Variants in SLC35D4 observed in about 807,000 individuals in gnomAD.
The protein encoded by SLC35D4 is solute carrier family 35 member D4, also known as UDP-N-acetylglucosamine transporter SLC35D4.
At chr18:23,266,628 A>G in the SLC35D4 span, among the ~76,000 whole-genome samples, 3 of 152,234 alleles carry the variant, frequency 2.0e-5, no homozygotes, top group African/African-American at 7.2e-5. Context: ...GTGGCTTCAC[A>G]GCCATTAGCC....
the SLC35D4 span, among the ~76,000 whole-genome samples, chr18:23,382,239 CAAAAA>C: frequency 1.3e-5 from 1 of 75,692 alleles, no homozygotes; most frequent in Non-Finnish European, 2.5e-5. Flanking sequence ...GACTCAGTCT[CAAAAA>C]AAAAAAAAAA....
the SLC35D4 span, among the ~76,000 whole-genome samples, chr18:23,267,173 G>C: frequency 6.6e-6 from 1 of 152,182 alleles, no homozygotes. Context: ...GAGGAACCGG[G>C]GGCAGTTTTG....
chr18:23,276,290 G>T, the SLC35D4 span, among the ~76,000 whole-genome samples: 27 of 152,086 alleles, frequency 1.8e-4, no homozygotes, highest in East Asian at 1.9e-3. Flanking sequence ...GGGTTTCACC[G>T]TGTTAGCCAG....
the SLC35D4 span, among the ~76,000 whole-genome samples, chr18:23,379,534 TC>T: frequency 6.6e-6 from 1 of 152,186 alleles, no homozygotes; most frequent in African/African-American, 2.4e-5. Context: ...AATAGCATGT[TC>T]ACCCAGTAAC....
chr18:23,300,252 G>A, the SLC35D4 span, among the ~76,000 whole-genome samples: 705 of 152,226 alleles, frequency 4.6e-3, 7 homozygotes, highest in African/African-American at 0.016. Context: ...AGTGACTGCC[G>A]TTCCCCTTGT....
chr18:23,426,480 AAGG>A, the SLC35D4 span, among the ~76,000 whole-genome samples: 1 of 152,216 alleles, frequency 6.6e-6, no homozygotes, highest in Non-Finnish European at 1.5e-5. Context: ...GGACCTCTCC[AAGG>A]AGAACTACAA....
At chr18:23,291,351 G>A in the SLC35D4 span, among the ~76,000 whole-genome samples, 1 of 152,196 alleles carries the variant, frequency 6.6e-6, no homozygotes, top group Non-Finnish European at 1.5e-5. Flanking sequence ...AGGACGGTGG[G>A]CCTCAGCTCT....
the SLC35D4 span, among the ~76,000 whole-genome samples, chr18:23,282,317 C>T: frequency 3.9e-5 from 6 of 152,312 alleles, no homozygotes; most frequent in East Asian, 9.6e-4. Context: ...AGACTCCCCC[C>T]CAGTTGATCC....
chr18:23,253,121 C>A, the SLC35D4 span: 1 of 967,044 alleles, frequency 1.0e-6, no homozygotes, highest in Non-Finnish European at 1.7e-6. Flanking sequence ...TCTTTCCACA[C>A]ACCGTAAGCT....
At chr18:23,341,239 C>T in the SLC35D4 span, among the ~76,000 whole-genome samples, 39 of 152,266 alleles carry the variant, frequency 2.6e-4, no homozygotes, top group South Asian at 5.2e-3. Flanking sequence ...AATTTTTTCT[C>T]AAATGCCCAG....
chr18:23,381,879 G>C, the SLC35D4 span, among the ~76,000 whole-genome samples: 6 of 152,142 alleles, frequency 3.9e-5, no homozygotes, highest in South Asian at 2.1e-4. Flanking sequence ...GAGATGCCTT[G>C]ATCTTATCCA....
the SLC35D4 span, among the ~76,000 whole-genome samples, chr18:23,437,599 T>C: frequency 1.3e-5 from 2 of 152,130 alleles, no homozygotes; most frequent in African/African-American, 2.4e-5. Context: ...ACGGGGACAG[T>C]ACAGGCTGGC....
the SLC35D4 span, among the ~76,000 whole-genome samples, chr18:23,246,357 A>G: frequency 1.3e-5 from 2 of 151,522 alleles, no homozygotes; most frequent in African/African-American, 4.8e-5. Flanking sequence ...TTACAGTAGC[A>G]TGCACTGGCA....
At chr18:23,262,837 T>C in the SLC35D4 span, among the ~76,000 whole-genome samples, 1 of 152,192 alleles carries the variant, frequency 6.6e-6, no homozygotes, top group African/African-American at 2.4e-5. Flanking sequence ...AAACCAGAAC[T>C]GACAAGTTAG....
the SLC35D4 span, among the ~76,000 whole-genome samples, chr18:23,315,126 C>T: frequency 6.6e-6 from 1 of 152,102 alleles, no homozygotes; most frequent in Non-Finnish European, 1.5e-5. Context: ...GCATATGACT[C>T]TTAAGAAAAA....
the SLC35D4 span, among the ~76,000 whole-genome samples, chr18:23,334,221 C>T: frequency 7.2e-5 from 11 of 152,150 alleles, no homozygotes; most frequent in East Asian, 2.1e-3. Flanking sequence ...CACATAAAGC[C>T]CTAAGTAGGG....
the SLC35D4 span, among the ~76,000 whole-genome samples, chr18:23,353,076 AGTGTGT>A: frequency 3.8e-3 from 475 of 126,600 alleles, 1 homozygote; most frequent in African/African-American, 6.1e-3. Flanking sequence ...TGAGACAGAC[AGTGTGT>A]GTGTGTGTGT....
the SLC35D4 span, among the ~76,000 whole-genome samples, chr18:23,360,852 AGCACTTTGGGAGGCCAAGGC>A: frequency 3.9e-5 from 6 of 152,322 alleles, no homozygotes; most frequent in South Asian, 1.2e-3. Context: ...CTGTAATCCT[AGCACTTTGGGAGGCCAAGGC>A]GGGTGGATCA....
the SLC35D4 span, among the ~76,000 whole-genome samples, chr18:23,283,471 C>CAAAAAAAAAAAA: frequency 2.5e-4 from 11 of 44,418 alleles, no homozygotes; most frequent in African/African-American, 4.4e-4. Flanking sequence ...GACCCAGTCT[C>CAAAAAAAAAAAA]AAAAAAAAAA....
Sources: allele counts gnomAD v4.1 joint callset (sites outside exome capture counted in the v4.1 genomes callset), GRCh38; gene constraint gnomAD v4.1.1; transcripts MANE v1.5; gene names NCBI Gene and HGNC (gene_info 2026-07-23, HGNC 2026-07-21).